DOK7: variants seen among roughly 807,000 people sequenced by gnomAD.
DOK7 encodes the protein protein Dok-7.
Under a neutral mutation model 30.7 loss-of-function variants are expected in DOK7, and 32 were observed. That is an observed-to-expected ratio of 1.04 (90% CI 0.79 to 1.40). The LOEUF (loss-of-function observed/expected upper bound fraction) is 1.40, where lower values mean the gene tolerates loss of function less well. DOK7 is among the 40% of genes most tolerant of loss of function. The probability of loss-of-function intolerance (pLI) is 0.00; values close to 1 mark genes in which losing one functional copy is unlikely to be tolerated. For synonymous variants in DOK7, 447 were observed against 324.1 expected (o/e 1.38, Z -4.07); for missense variants, 1,007 against 699.2 (o/e 1.44, Z -4.97).
At chr4:3,483,349 G>T (rs1471366427) in intron 4 of DOK7, among the ~76,000 whole-genome samples, 2 of 151,974 alleles carry the variant, frequency 1.3e-5, no homozygotes, top group Non-Finnish European at 2.9e-5. Flanking sequence ...TGGGAGCGGG[G>T]GTGGAGCATG....
At chr4:3,496,258 G>GTC, downstream of DOK7, among the ~76,000 whole-genome samples, 1 of 152,342 alleles carries the variant, frequency 6.6e-6, no homozygotes, top group East Asian at 1.9e-4. Flanking sequence ...CCCAGGAGAA[G>GTC]GTCGCCTGCA....
chr4:3,491,876 T>G (rs938940968), intron 6 of DOK7, among the ~76,000 whole-genome samples: 3 of 152,162 alleles, frequency 2.0e-5, no homozygotes, highest in Non-Finnish European at 4.4e-5. Flanking sequence ...GGTGGCTGCA[T>G]GGGTGACCTG....
At position 3,476,259 on chromosome 4, in the gene DOK7, CGTG is replaced by C; in HGVS notation, c.332-82_332-80del. On this transcript the variant is annotated intron_variant, in intron 3 of 6. Coordinates refer to ENST00000340083, the MANE Select transcript of DOK7 (RefSeq NM_173660.5). Reference sequence around the variant, plus strand: ...GTGATGCCCTCTCACCCCACCCGCCCGTGATGCCCTCTCACCCCACCCGCCCGT... The same window carrying C: ...GTGATGCCCTCTCACCCCACCCGCCCATGCCCTCTCACCCCACCCGCCCGT... 4 of 991,464 alleles carry C rather than the reference CGTG, an allele frequency of 4.0e-6. 2 individuals are homozygous for C. The highest frequency in any genetic ancestry group is 7.6e-5 in the East Asian group (2 of 26,224). The allele number at this position is 991,464 out of a possible 1,614,324, so 61.4% of individuals were successfully genotyped here.
chr4:3,484,191 G>A (rs1727612076), intron 4 of DOK7, among the ~76,000 whole-genome samples: 1 of 152,324 alleles, frequency 6.6e-6, no homozygotes. Flanking sequence ...CCCATGACCC[G>A]GTTTGGGGAC....
At position 3,471,201 on chromosome 4, in the gene DOK7, C is replaced by T. The variant is rs1234996404; in HGVS notation, c.101-2205C>T. ...GCAGACAGATGTGTACCTGAATATG[C>T]AAGCATGTATTGAGTGCTTACTGCA... is the stretch of plus-strand genomic sequence containing the variant. On this transcript the variant is annotated intron_variant, in intron 2 of 6. Transcript: ENST00000340083. Among the ~76,000 whole-genome samples the T allele has an allele frequency of 2.0e-5, 3 of 152,228 alleles. No individual in the cohort carries two copies. The East Asian group carries it at 5.8e-4, about 29-fold the overall frequency.
chr4:3,476,190 C>T, intron 3 of DOK7, 152 bp from the exon 4 acceptor site: 2 of 722,312 alleles, frequency 2.8e-6, no homozygotes, highest in South Asian at 3.4e-5. Context: ...CCTCGATGCC[C>T]TCTCACCTCA....
At chr4:3,477,081 C>A (rs1727142751) in intron 4 of DOK7, among the ~76,000 whole-genome samples, 1 of 150,646 alleles carries the variant, frequency 6.6e-6, no homozygotes, top group Non-Finnish European at 1.5e-5. Context: ...CCTCACTCAG[C>A]CAGGGGAGTG....
chr4:3,498,110 G>A (rs892791328), downstream of DOK7, among the ~76,000 whole-genome samples: 16 of 152,122 alleles, frequency 1.1e-4, no homozygotes, highest in African/African-American at 3.9e-4. Flanking sequence ...TGGTAGCGTC[G>A]GGCTGCCAGC....
intron 2 of DOK7, among the ~76,000 whole-genome samples, chr4:3,466,375 C>T (rs999933531): frequency 5.9e-5 from 9 of 152,148 alleles, no homozygotes; most frequent in Admixed American, 1.3e-4. Flanking sequence ...CCGTGAGCCC[C>T]GGAGCTGCCC....
intron 5 of DOK7, among the ~76,000 whole-genome samples, chr4:3,487,938 G>C (rs1005535295): frequency 2.0e-5 from 3 of 152,244 alleles, no homozygotes; most frequent in African/African-American, 7.2e-5. Context: ...ACTGGTGCCT[G>C]CTGTCCTGCC....
intron 6 of DOK7, among the ~76,000 whole-genome samples, chr4:3,499,753 G>T (rs983517662): frequency 6.6e-6 from 1 of 151,860 alleles, no homozygotes; most frequent in African/African-American, 2.4e-5. Context: ...AGAGGAGGGG[G>T]TCCCTGGAGC....
chr4:3,492,857 T>G lies in DOK7; in HGVS notation c.871T>G (p.Ser291Ala). The G allele has an allele frequency of 6.2e-7, 1 of 1,610,416 alleles. No homozygotes were observed. Among genetic ancestry groups the G allele is most frequent in the Non-Finnish European group, 8.5e-7 (1 of 1,179,248 alleles). Residue 291 changes from serine to alanine, a missense_variant, in exon 7 of 7, where the codon TCA becomes GCA. Ser to Ala is a moderately conservative substitution (Grantham distance 99, BLOSUM62 1). Coordinates refer to ENST00000340083, the MANE Select transcript of DOK7 (RefSeq NM_173660.5). ...LTAWPEQSSSSASTSQEGPRP... is the reference protein window; with the variant it reads ...LTAWPEQSSSAASTSQEGPRP... ...CGCATGGCCAGAGCAATCCTCGTCG[T>G]CAGCCAGCACGTCACAGGAGGGGCC...
chr4:3,489,909 C>CA, intron 6 of DOK7, 113 bp downstream of exon 6: 1 of 1,455,238 alleles, frequency 6.9e-7, no homozygotes, highest in Non-Finnish European at 9.2e-7. Flanking sequence ...CTCATTCATT[C>CA]ATTCCTTCTG....
chr4:3,491,275 A>G (rs1238766176), intron 6 of DOK7, among the ~76,000 whole-genome samples: 1 of 51,428 alleles, frequency 1.9e-5, no homozygotes, highest in Non-Finnish European at 3.5e-5. Flanking sequence ...TCCTTCATTC[A>G]TTCCTTCCTC....
chr4:3,469,454 C>T (rs552568959), intron 2 of DOK7, among the ~76,000 whole-genome samples: 115 of 152,188 alleles, frequency 7.6e-4, no homozygotes, highest in African/African-American at 2.5e-3. Context: ...GTTCCTCAGC[C>T]GCCAGGCAAG....
At chr4:3,468,258 C>T (rs556310693) in intron 2 of DOK7, among the ~76,000 whole-genome samples, 90 of 145,030 alleles carry the variant, frequency 6.2e-4, no homozygotes, top group African/African-American at 2.0e-3. Context: ...AAGTGTGTGT[C>T]CGCGTGCATG....
At chr4:3,482,110 G>T (rs1727474368) in intron 4 of DOK7, among the ~76,000 whole-genome samples, 1 of 152,146 alleles carries the variant, frequency 6.6e-6, no homozygotes, top group South Asian at 2.1e-4. Context: ...ACAGCCCTTT[G>T]GGACACCCGT....
chr4:3,485,619 C>G lies in DOK7; in HGVS notation c.613C>G (p.Pro205Ala). 1 of 1,606,930 alleles carries G rather than the reference C, an allele frequency of 6.2e-7. No homozygotes were observed. The highest frequency in any genetic ancestry group is 1.1e-5 in the South Asian group (1 of 90,096). Reference sequence around the variant, plus strand: ...CGACTGCATCGTCCGAGGCATCTCCCCCACCAAGGGCCCCTTTGGGCTGCG... The same window carrying G: ...CGACTGCATCGTCCGAGGCATCTCCGCCACCAAGGGCCCCTTTGGGCTGCG... Reference protein sequence around the residue: ...LFDCIVRGISPTKGPFGLRPV... With the variant: ...LFDCIVRGISATKGPFGLRPV... The change falls in exon 5 of 7, where the codon CCC becomes GCC. Residue 205 changes from proline (P) to alanine (A), a missense_variant. By Grantham distance (27) the Pro-to-Ala change is conservative. Coordinates refer to ENST00000340083, the MANE Select transcript of DOK7 (RefSeq NM_173660.5).
intron 6 of DOK7, 109 bp from the exon 7 acceptor site, chr4:3,492,650 T>C: frequency 6.7e-7 from 1 of 1,486,096 alleles, no homozygotes; most frequent in South Asian, 1.2e-5. Flanking sequence ...CTGGAAGGGG[T>C]GGGGCGAGAC....
Sources: allele counts gnomAD v4.1 joint callset (sites outside exome capture counted in the v4.1 genomes callset), GRCh38; gene constraint gnomAD v4.1.1; transcripts MANE v1.5; gene names NCBI Gene and HGNC (gene_info 2026-07-23, HGNC 2026-07-21).